Variants in EIF1AX observed in about 807,000 individuals in gnomAD.
EIF1AX encodes eukaryotic translation initiation factor 1A X-linked, also known as eukaryotic translation initiation factor 1A, X-chromosomal.
EIF1AX carries 1 observed loss-of-function variant against 16.1 expected under a neutral mutation model. The ratio of observed to expected loss-of-function variants is 0.06; its 90% CI spans 0.02 to 0.30. EIF1AX has a LOEUF of 0.30. Among genes scored for constraint, EIF1AX ranks in the 10% least tolerant of loss-of-function variants. The pLI, the probability that EIF1AX is intolerant of heterozygous loss-of-function variation, is 1.00. For synonymous variants in EIF1AX, 32 were observed against 37.3 expected (o/e 0.86, Z 0.51); for missense variants, 11 against 109.1 (o/e 0.10, Z 4.00).
At chrX:20,129,375 A>G (rs1199919374) in intron 6 of EIF1AX, among the ~76,000 whole-genome samples, 1 of 111,596 alleles carries the variant, frequency 9.0e-6, no homozygotes, top group Non-Finnish European at 1.9e-5. Context: ...CAGTCTCCTG[A>G]GTAGCTGGGA....
intron 2 of EIF1AX, 127 bp from the exon 3 acceptor site, chrX:20,135,968 T>C (rs41297323): frequency 1.2e-5 from 6 of 489,755 alleles, no homozygotes; most frequent in Non-Finnish European, 2.2e-5. Context: ...ATAGTAAAAC[T>C]ATAAACAAAC....
rs1462038289 is a variant in EIF1AX at position 20,128,091 on chromosome X, T to C, written c.*215A>G. ...CATGGTCTTCTACCCATAAGCTCCA[T>C]TACATTAAAAGAACAAAGTGGGCTT... On this transcript the variant is annotated 3_prime_UTR_variant, in exon 7 of 7. Transcript: ENST00000379607. 4 of 304,984 alleles carry C rather than the reference T, an allele frequency of 1.3e-5. No individual in the cohort carries two copies. In the Admixed American group the frequency reaches 1.9e-4, roughly 15 times the overall value. 25.1% of individuals were successfully genotyped at this position (304,984 alleles called of 1,213,427 possible).
Position 20,124,591 on chromosome X carries a change from A to C in EIF1AX, c.*3715T>G, listed in dbSNP as rs2066978729. On this transcript the variant is annotated 3_prime_UTR_variant, in exon 7 of 7. Transcript: ENST00000379607. ...GTATCTGATTTCTTTACATCATTCCATATGATGGGAAAGGAAACCTCTAAA... is the reference window on the plus strand; with the variant it reads ...GTATCTGATTTCTTTACATCATTCCCTATGATGGGAAAGGAAACCTCTAAA... 1 of 153,102 alleles carries C rather than the reference A, an allele frequency of 6.5e-6. No homozygotes were observed. Among genetic ancestry groups the C allele is most frequent in the African/African-American group, 3.0e-5 (1 of 32,897 alleles). 12.6% of individuals were successfully genotyped at this position (153,102 alleles called of 1,213,427 possible).
chrX:20,131,018 T>G (rs183574308), intron 5 of EIF1AX, among the ~76,000 whole-genome samples: 2 of 112,182 alleles, frequency 1.8e-5, no homozygotes, highest in East Asian at 5.6e-4. Flanking sequence ...CTATATACAT[T>G]AACATTTCTT....
At position 20,124,865 on chromosome X, in the gene EIF1AX, C is replaced by T. The variant is rs769159398; in HGVS notation, c.*3441G>A. ...TGACATGAATGTACAAATATACATTCTACGTGTTCCTTCTATTGTACGAAT... is the reference window on the plus strand; with the variant it reads ...TGACATGAATGTACAAATATACATTTTACGTGTTCCTTCTATTGTACGAAT... On this transcript the variant is annotated 3_prime_UTR_variant, in exon 7 of 7. Transcript: ENST00000379607. The T allele has an allele frequency of 7.4e-4, 109 of 147,626 alleles. 1 individual carries two copies. In the Admixed American group the frequency reaches 7.8e-3, roughly 11 times the overall value. The allele number at this position is 147,626 out of a possible 1,213,427, so 12.2% of individuals were successfully genotyped here.
chrX:20,138,361 C>T (rs960527840), intron 2 of EIF1AX, among the ~76,000 whole-genome samples, 178 bp downstream of exon 2: 1 of 110,268 alleles, frequency 9.1e-6, no homozygotes, highest in Non-Finnish European at 1.9e-5. Flanking sequence ...CCCAAATACT[C>T]GGGAGGCTGA....
chrX:20,135,963 A>T (rs1373372432), intron 2 of EIF1AX, 122 bp from the exon 3 acceptor site: 3 of 501,294 alleles, frequency 6.0e-6, no homozygotes, highest in Non-Finnish European at 1.1e-5. Flanking sequence ...TACATATAGT[A>T]AAACTATAAA....
chrX:20,141,801 A>G lies in EIF1AX; in HGVS notation c.-161T>C, dbSNP rs1028652091. 21 of 499,022 alleles carry G rather than the reference A, an allele frequency of 4.2e-5. No individual in the cohort carries two copies. In the East Asian group the frequency reaches 9.5e-4, roughly 23 times the overall value. 41.1% of individuals were successfully genotyped at this position (499,022 alleles called of 1,213,427 possible). A position where few individuals can be genotyped will look rare whatever the true frequency, so the allele number is the denominator to read the frequency against. On this transcript the variant is annotated 5_prime_UTR_variant, in exon 1 of 7. Transcript: ENST00000379607. ...AGAGGCTGGCGACCCAGCTCTTCAG[A>G]GATCCGCCTGCGTCCACGCTCGGCG...
At chrX:20,129,878 C>T (rs938914281) in intron 6 of EIF1AX, among the ~76,000 whole-genome samples, 3 of 112,539 alleles carry the variant, frequency 2.7e-5, no homozygotes, top group African/African-American at 9.7e-5. Flanking sequence ...CAACTGTCCA[C>T]TAAATTTCTT....
At chrX:20,131,679 GT>G (rs758358275) in intron 5 of EIF1AX, among the ~76,000 whole-genome samples, 15,660 of 85,490 alleles carry the variant, frequency 0.18, 1,178 homozygotes, top group African/African-American at 0.24. Flanking sequence ...TTGCTTCATG[GT>G]TTTTTTTTTT....
chrX:20,140,980 C>A (rs1273761117), intron 1 of EIF1AX, among the ~76,000 whole-genome samples: 2 of 111,059 alleles, frequency 1.8e-5, no homozygotes, highest in Non-Finnish European at 3.8e-5. Context: ...ATTCTCACAA[C>A]ATATGCATCA....
intron 2 of EIF1AX, 36 bp downstream of exon 2, chrX:20,138,503 G>A: frequency 6.6e-6 from 7 of 1,057,271 alleles, no homozygotes; most frequent in Non-Finnish European, 7.9e-6. Context: ...AAGAAAGGAT[G>A]TTATTTTAAA....
rs2066979787 is a variant in EIF1AX at position 20,124,811 on chromosome X, G to A, written c.*3495C>T. 1 of 146,856 alleles carries A rather than the reference G, an allele frequency of 6.8e-6. No homozygotes were observed. 12.1% of individuals were successfully genotyped at this position (146,856 alleles called of 1,213,427 possible). On this transcript the variant is annotated 3_prime_UTR_variant, in exon 7 of 7. Coordinates refer to ENST00000379607, the MANE Select transcript of EIF1AX (RefSeq NM_001412.4). ...CTGTTAGTCTTATGCCAAATTAAATGAGTTTGGTAGCAATTTCAAATACTA... is the reference window on the plus strand; with the variant it reads ...CTGTTAGTCTTATGCCAAATTAAATAAGTTTGGTAGCAATTTCAAATACTA...
At chrX:20,130,302 C>CAAAAAAAAA (rs773734086) in intron 6 of EIF1AX, among the ~76,000 whole-genome samples, 8 of 28,480 alleles carry the variant, frequency 2.8e-4, no homozygotes, top group East Asian at 1.3e-3. Flanking sequence ...AACTCCATCA[C>CAAAAAAAAA]AAAAAAAAAA....
At chrX:20,129,769 T>C (rs2148606776) in intron 6 of EIF1AX, among the ~76,000 whole-genome samples, 1 of 112,479 alleles carries the variant, frequency 8.9e-6, no homozygotes, top group African/African-American at 3.2e-5. Flanking sequence ...GTGTATGTTG[T>C]AATTCCAATG....
Position 20,129,073 on chromosome X carries a change from AAC to A in EIF1AX, c.430-764_430-763del, listed in dbSNP as rs760983778. 1.8e-4 allele frequency among the ~76,000 whole-genome samples: 20 copies of A among 111,434 alleles called. No individual in the cohort carries two copies. In the East Asian group the frequency reaches 5.6e-3, roughly 31 times the overall value. On this transcript the variant is annotated intron_variant, in intron 6 of 6. Coordinates refer to ENST00000379607, the MANE Select transcript of EIF1AX (RefSeq NM_001412.4). ...TTAATTCTATTGTCAAAATATTAGT[AAC>A]AGTTTAGTCGTAAGACTCCTCTTGG... is the stretch of plus-strand genomic sequence containing the variant.
chrX:20,130,726 T>C (rs1279170246), intron 5 of EIF1AX, 119 bp from the exon 6 acceptor site: 2 of 669,456 alleles, frequency 3.0e-6, no homozygotes, highest in African/African-American at 4.6e-5. Context: ...GAAAAAAAAT[T>C]CCTGCAGTGT....
Position 20,125,454 on chromosome X carries a change from T to G in EIF1AX, c.*2852A>C, listed in dbSNP as rs781739069. ...GGAGTCCAAAGAGTATAAATAAAAC[T>G]TACCCTTACGAAGTAGAATAAAGAT... On this transcript the variant is annotated 3_prime_UTR_variant, in exon 7 of 7. Transcript: ENST00000379607. The G allele has an allele frequency of 1.8e-5, 3 of 170,317 alleles. No homozygotes were observed. The East Asian group carries it at 2.5e-4, about 14-fold the overall frequency. The allele number at this position is 170,317 out of a possible 1,213,427, so 14.0% of individuals were successfully genotyped here.
At position 20,129,941 on chromosome X, in the gene EIF1AX, T is replaced by A. The variant is rs745400418; in HGVS notation, c.429+575A>T. Reference sequence around the variant, plus strand: ...TTAAACAAGTTATGATTAGAGTGGCTGGCGTTAATATTGCCAATGCAAACA... The same window carrying A: ...TTAAACAAGTTATGATTAGAGTGGCAGGCGTTAATATTGCCAATGCAAACA... On this transcript the variant is annotated intron_variant, in intron 6 of 6. Transcript: ENST00000379607. Among the ~76,000 whole-genome samples the A allele has an allele frequency of 2.7e-5, 3 of 112,305 alleles. No homozygotes were observed. In the East Asian group the frequency reaches 8.4e-4, roughly 31 times the overall value.
Sources: allele counts gnomAD v4.1 joint callset (sites outside exome capture counted in the v4.1 genomes callset), GRCh38; gene constraint gnomAD v4.1.1; transcripts MANE v1.5; gene names NCBI Gene and HGNC (gene_info 2026-07-23, HGNC 2026-07-21).